Variants in ACKR2 observed in about 807,000 individuals in gnomAD.
The protein encoded by ACKR2 is atypical chemokine receptor 2, also known as C-C chemokine receptor D6.
For synonymous variants in ACKR2, 207 were observed against 192.2 expected, an observed-to-expected ratio of 1.08 and a Z score of -0.64; for missense variants, 457 against 477.3, an observed-to-expected ratio of 0.96 and a Z score of 0.40.
At chr3:42,818,746 GC>G (rs1575374633) in intron 1 of ACKR2, among the ~76,000 whole-genome samples, 2 of 152,100 alleles carry the variant, frequency 1.3e-5, no homozygotes, top group East Asian at 3.9e-4. Flanking sequence ...ATTTTTAGTA[GC>G]GACAAGGTTT....
At chr3:42,819,778 G>A (rs1700791218) in intron 2 of ACKR2, 67 bp downstream of exon 2, 1 of 152,252 alleles carries the variant, frequency 6.6e-6, no homozygotes, top group Non-Finnish European at 1.5e-5. Context: ...GCTAGGCAGG[G>A]GCTGCAGGCC....
chr3:42,852,070 C>T lies in ACKR2; in HGVS notation c.-37-12396C>T, dbSNP rs1250161696. On this transcript the variant is annotated intron_variant, in intron 2 of 2. Transcript: ENST00000422265. This position sits in a 1 kb window ranked among gnomAD's most constrained non-coding sequence, Gnocchi z 4.3. Reference sequence around the variant, plus strand: ...TAGTATATGCCAGGCCCTTAGTTTACCATAATAACCCTGCAAGGGAGGCAG... The same window carrying T: ...TAGTATATGCCAGGCCCTTAGTTTATCATAATAACCCTGCAAGGGAGGCAG... Among the ~76,000 whole-genome samples, 3 of 152,262 alleles carry T rather than the reference C, an allele frequency of 2.0e-5. No individual in the cohort carries two copies. The highest frequency in any genetic ancestry group is 1.9e-4 in the East Asian group (1 of 5,180).
rs7620991 is a variant in ACKR2 at position 42,856,427 on chromosome 3, T to G, written c.-37-8039T>G. ...ATGAGATCATGGTATCATAGATACT[T>G]TGGGTCAACTGAGGACCCGAGTCAA... On this transcript the variant is annotated intron_variant, in intron 2 of 2. Coordinates refer to ENST00000422265, the MANE Select transcript of ACKR2 (RefSeq NM_001296.5). The G allele has an allele frequency of 1.4e-3, 1,012 of 702,578 alleles. 7 individuals are homozygous for G. The African/African-American group carries it at 0.016, about 11-fold the overall frequency. 43.5% of individuals were successfully genotyped at this position (702,578 alleles called of 1,614,324 possible).
chr3:42,839,063 T>G (rs1701011451), intron 2 of ACKR2: 1 of 152,202 alleles, frequency 6.6e-6, no homozygotes, highest in African/African-American at 2.4e-5. Context: ...CTCCCCTTTC[T>G]CATTTTCTCC....
intron 1 of ACKR2, among the ~76,000 whole-genome samples, chr3:42,812,364 G>A (rs534508345): frequency 5.6e-4 from 85 of 152,314 alleles, no homozygotes; most frequent in African/African-American, 2.0e-3. Flanking sequence ...AAGTATAAAT[G>A]TTTAGGAAAG....
chr3:42,828,336 C>G (rs570463036), intron 2 of ACKR2, among the ~76,000 whole-genome samples: 11 of 152,080 alleles, frequency 7.2e-5, no homozygotes, highest in Non-Finnish European at 1.6e-4. Flanking sequence ...GCCTTGAACT[C>G]CTGACCTCAG....
chr3:42,864,769 C>T lies in ACKR2; in HGVS notation c.267C>T (p.Ala89=), dbSNP rs146671888. 2.9e-4 allele frequency: 469 copies of T among 1,614,200 alleles called. No homozygotes were observed. Among genetic ancestry groups the T allele is most frequent in the Non-Finnish European group, 3.4e-4 (400 of 1,180,034 alleles). ...TTGAGATCTATCTGCTGAATCTGGC[C>T]ATCTCCAACCTTCTGTTTCTGGTGA... ...RMVEIYLLNL[A]ISNLLFLVTL... The change falls in exon 3 of 3, where the codon GCC becomes GCT. Residue 89 remains alanine (A), a synonymous_variant. Transcript: ENST00000422265.
chr3:42,854,185 G>T (rs777549225), intron 2 of ACKR2, among the ~76,000 whole-genome samples: 2 of 152,200 alleles, frequency 1.3e-5, no homozygotes, highest in African/African-American at 4.8e-5. Flanking sequence ...GCTGGTGAAG[G>T]TTTGACAAGA....
intron 2 of ACKR2, among the ~76,000 whole-genome samples, chr3:42,843,663 T>C (rs999689451): frequency 2.0e-5 from 3 of 152,216 alleles, no homozygotes; most frequent in Non-Finnish European, 4.4e-5. Flanking sequence ...CTAACTGAGA[T>C]GGCAAAGTGC....
At chr3:42,812,221 C>T (rs17074828) in intron 1 of ACKR2, among the ~76,000 whole-genome samples, 1,558 of 152,286 alleles carry the variant, frequency 0.01, 27 homozygotes, top group African/African-American at 0.036. Flanking sequence ...TAGTGCATAA[C>T]GGCCCTTGTT....
rs769818717 is a variant in ACKR2, at chr3:42,865,027, C to T, written c.525C>T (p.Val175=). Residue 175 remains valine (V), a synonymous_variant, in exon 3 of 3, where the codon GTC becomes GTT. Coordinates refer to ENST00000422265, the MANE Select transcript of ACKR2 (RefSeq NM_001296.5). The part of the protein sequence containing the change: ...ATIVWAVSLA[V]SIPDMVFVQT... ...TAGTATGGGCTGTGTCCCTGGCCGT[C>T]TCCATCCCTGATATGGTCTTTGTAC... 3.1e-6 allele frequency: 5 copies of T among 1,614,202 alleles called. 1 individual carries two copies. Among genetic ancestry groups the T allele is most frequent in the Non-Finnish European group, 4.2e-6 (5 of 1,180,040 alleles).
intron 2 of ACKR2, chr3:42,844,214 T>A (rs918921199): frequency 2.0e-5 from 3 of 152,172 alleles, no homozygotes; most frequent in African/African-American, 2.4e-5. Context: ...CACTAACAGT[T>A]TATCTGGAAG....
In ACKR2 at chr3:42,857,059, C is replaced by T. The variant is rs1280803031; in HGVS notation, c.-37-7407C>T. 7.9e-5 allele frequency among the ~76,000 whole-genome samples: 12 copies of T among 152,036 alleles called. 1 individual carries two copies. Among genetic ancestry groups the T allele is most frequent in the Admixed American group, 6.6e-4 (10 of 15,206 alleles). On this transcript the variant is annotated intron_variant, in intron 2 of 2. Transcript: ENST00000422265. ...AACCGTGGACAGTGACTTGTCCCATCTCCATGGTCCACCCCAATCCCATGC... is the reference window on the plus strand; with the variant it reads ...AACCGTGGACAGTGACTTGTCCCATTTCCATGGTCCACCCCAATCCCATGC...
chr3:42,821,009 C>T (rs760204389), intron 2 of ACKR2, among the ~76,000 whole-genome samples: 1 of 151,984 alleles, frequency 6.6e-6, no homozygotes, highest in African/African-American at 2.4e-5. Context: ...CTCAGCCTCC[C>T]GAGTAGCTGG....
At chr3:42,820,390 G>A (rs896677673) in intron 2 of ACKR2, among the ~76,000 whole-genome samples, 5 of 152,064 alleles carry the variant, frequency 3.3e-5, no homozygotes, top group South Asian at 2.1e-4. Flanking sequence ...TCAGGAGATC[G>A]AGACCATCCT....
chr3:42,814,569 T>C (rs1343408213), intron 1 of ACKR2, among the ~76,000 whole-genome samples: 2 of 152,236 alleles, frequency 1.3e-5, no homozygotes, highest in Non-Finnish European at 2.9e-5. Context: ...AAAAGTACTG[T>C]GTGATCTTTG....
At chr3:42,849,784 G>C (rs1701133357) in intron 2 of ACKR2, among the ~76,000 whole-genome samples, 1 of 152,154 alleles carries the variant, frequency 6.6e-6, no homozygotes, top group African/African-American at 2.4e-5. Flanking sequence ...GTTATAGCCT[G>C]TTTATACATT....
intron 2 of ACKR2, among the ~76,000 whole-genome samples, chr3:42,827,515 G>A (rs1206199300): frequency 2.6e-5 from 4 of 152,080 alleles, no homozygotes; most frequent in Non-Finnish European, 2.9e-5. Context: ...GCATGTCATC[G>A]AAAGGCTGAA....
intron 2 of ACKR2, among the ~76,000 whole-genome samples, chr3:42,848,497 C>T (rs796733767): frequency 7.2e-5 from 11 of 152,160 alleles, no homozygotes; most frequent in African/African-American, 2.4e-4. Flanking sequence ...GGATTACAGG[C>T]AAGAGACACT....
Sources: gnomAD v4.1 joint callset for allele counts (sites outside exome capture counted in the v4.1 genomes callset) on GRCh38, gnomAD v4.1.1 for gene constraint, Gnocchi (gnomAD v3.1) non-coding constraint, MANE v1.5 for transcripts, NCBI Gene and HGNC (gene_info 2026-07-23, HGNC 2026-07-21) for gene names.